PHTF2: variants seen among roughly 807,000 people sequenced by gnomAD.
PHTF2 encodes the protein putative homeodomain transcription factor 2.
Under a neutral mutation model 101.2 loss-of-function variants are expected in PHTF2, and 60 were observed. The ratio of observed to expected loss-of-function variants is 0.59; its 90% CI spans 0.48 to 0.73. The LOEUF is 0.73. Ranked by LOEUF, PHTF2 falls within the 30% of genes least tolerant of loss-of-function variation. The pLI, the probability that PHTF2 is intolerant of heterozygous loss-of-function variation, is 0.00. For missense variants in PHTF2, 747 were observed against 908.7 expected (o/e 0.82, Z 2.29); for synonymous variants, 311 against 307.3 (o/e 1.01, Z -0.13).
At chr7:77,892,224 A>G (rs1800496285) in intron 3 of PHTF2, among the ~76,000 whole-genome samples, 1 of 152,188 alleles carries the variant, frequency 6.6e-6, no homozygotes, top group African/African-American at 2.4e-5. Flanking sequence ...CAGGAGGCGG[A>G]GGTTGCAGTG....
intron 3 of PHTF2, among the ~76,000 whole-genome samples, chr7:77,855,495 G>A (rs896050508): frequency 1.1e-4 from 16 of 152,178 alleles, no homozygotes; most frequent in African/African-American, 3.6e-4. Flanking sequence ...CTATCTCACT[G>A]GGTTGCATGC....
intron 7 of PHTF2, among the ~76,000 whole-genome samples, chr7:77,908,443 A>G (rs1802064499): frequency 6.6e-6 from 1 of 152,196 alleles, no homozygotes; most frequent in African/African-American, 2.4e-5. Flanking sequence ...CTTTATTTGT[A>G]AAACAAAGAA....
chr7:77,927,294 A>G (rs1804147826), intron 11 of PHTF2, among the ~76,000 whole-genome samples: 1 of 151,956 alleles, frequency 6.6e-6, no homozygotes, highest in South Asian at 2.1e-4. Context: ...TCAAATGAAT[A>G]TAAATAATAA....
At chr7:77,928,186 C>CAA (rs560832692) in intron 11 of PHTF2, among the ~76,000 whole-genome samples, 15 of 130,404 alleles carry the variant, frequency 1.2e-4, no homozygotes, top group African/African-American at 2.8e-4. Context: ...AGAGGACAGC[C>CAA]AAAAAAAAAA....
chr7:77,881,728 T>C (rs1199969406), intron 3 of PHTF2, among the ~76,000 whole-genome samples: 1 of 152,168 alleles, frequency 6.6e-6, no homozygotes, highest in East Asian at 1.9e-4. Flanking sequence ...ATAGTAGCAG[T>C]GCAATCCCAG....
chr7:77,809,899 CGG>C (rs1793303921), intron 1 of PHTF2, among the ~76,000 whole-genome samples: 1 of 151,984 alleles, frequency 6.6e-6, no homozygotes, highest in Non-Finnish European at 1.5e-5. Flanking sequence ...ATTGAAGCAC[CGG>C]GCTAGTTTTC....
At chr7:77,939,482 G>A (rs909985250) in intron 13 of PHTF2, among the ~76,000 whole-genome samples, 21 of 150,580 alleles carry the variant, frequency 1.4e-4, no homozygotes, top group African/African-American at 4.6e-4. Flanking sequence ...GGGCGGTGGT[G>A]TATACCTGTA....
intron 3 of PHTF2, among the ~76,000 whole-genome samples, chr7:77,885,068 A>G (rs993116782): frequency 2.0e-5 from 3 of 152,172 alleles, no homozygotes; most frequent in Non-Finnish European, 4.4e-5. Context: ...GGGCTTGTGC[A>G]TCTACTTTTT....
chr7:77,824,344 G>A (rs189799171), intron 1 of PHTF2, among the ~76,000 whole-genome samples: 29 of 151,156 alleles, frequency 1.9e-4, no homozygotes, highest in African/African-American at 7.0e-4. Flanking sequence ...TTAGTATCTT[G>A]AGTTTATAAA....
At chr7:77,912,872 A>G (rs776937609) in intron 9 of PHTF2, among the ~76,000 whole-genome samples, 34 of 151,638 alleles carry the variant, frequency 2.2e-4, no homozygotes, top group Non-Finnish European at 4.4e-4. Flanking sequence ...AGCTGGGACT[A>G]TAGGCATTTG....
intron 2 of PHTF2, among the ~76,000 whole-genome samples, chr7:77,853,714 T>TC (rs1796951420): frequency 1.3e-5 from 2 of 151,896 alleles, no homozygotes; most frequent in Admixed American, 6.6e-5. Flanking sequence ...AGATTTTTTT[T>TC]TCTCTCTCTC....
chr7:77,864,677 C>T (rs190196549), intron 3 of PHTF2, among the ~76,000 whole-genome samples: 13 of 152,166 alleles, frequency 8.5e-5, no homozygotes, highest in African/African-American at 2.2e-4. Flanking sequence ...CTTCCCCTCA[C>T]GGATATCTTT....
chr7:77,861,939 C>G (rs1797677644), intron 3 of PHTF2, among the ~76,000 whole-genome samples: 1 of 152,084 alleles, frequency 6.6e-6, no homozygotes, highest in Non-Finnish European at 1.5e-5. Context: ...TGCCTGTAAT[C>G]CCAGCTATTC....
chr7:77,838,994 A>G (rs1265967152), intron 1 of PHTF2, among the ~76,000 whole-genome samples: 3 of 152,160 alleles, frequency 2.0e-5, no homozygotes, highest in African/African-American at 7.2e-5. Flanking sequence ...ATATGCTCAA[A>G]AAGCATGCAT....
chr7:77,821,713 G>C (rs537244713), intron 1 of PHTF2, among the ~76,000 whole-genome samples: 7 of 152,002 alleles, frequency 4.6e-5, no homozygotes, highest in East Asian at 1.9e-4. Flanking sequence ...CTACCGGGGG[G>C]GCCCACAGGA....
intron 7 of PHTF2, among the ~76,000 whole-genome samples, chr7:77,905,384 C>T (rs552887827): frequency 6.6e-6 from 1 of 152,144 alleles, no homozygotes; most frequent in Admixed American, 6.6e-5. Flanking sequence ...CGCCACCATG[C>T]CCAGCTAATT....
intron 8 of PHTF2, 84 bp from the exon 8 acceptor site, chr7:77,910,161 T>G: frequency 8.9e-7 from 1 of 1,123,828 alleles, no homozygotes; most frequent in South Asian, 1.7e-5. Context: ...GTGTTTATGT[T>G]TTCCAAAATT....
rs550642431 is a variant in PHTF2, at chr7:77,815,281, C to G, written c.-36+16310C>G. ...CTGCTTTGTGCATATCTGTAAATGA[C>G]TGCAAAAGTACCAGGAGTATTGATT... is the stretch of plus-strand genomic sequence containing the variant. On this transcript the variant is annotated intron_variant, in intron 1 of 19. Transcript: ENST00000416283. Among the ~76,000 whole-genome samples, 9 of 152,088 alleles carry G rather than the reference C, an allele frequency of 5.9e-5. 1 individual carries two copies. In the South Asian group the frequency reaches 1.9e-3, roughly 32 times the overall value.
chr7:77,868,209 C>T (rs1417687563), intron 3 of PHTF2, among the ~76,000 whole-genome samples: 1 of 151,640 alleles, frequency 6.6e-6, no homozygotes, highest in African/African-American at 2.4e-5. Context: ...CCTGCACTAT[C>T]ATAGCTCAAT....
Sources: gnomAD v4.1 joint callset for allele counts (sites outside exome capture counted in the v4.1 genomes callset) on GRCh38, gnomAD v4.1.1 for gene constraint, MANE v1.5 for transcripts, NCBI Gene and HGNC (gene_info 2026-07-23, HGNC 2026-07-21) for gene names.